STK3: variants seen among roughly 807,000 people sequenced by gnomAD.
STK3 encodes the protein serine/threonine kinase 3, also known as serine/threonine-protein kinase 3.
In STK3, 41 loss-of-function variants were observed where a neutral mutation model predicts 58.0. The observed-to-expected ratio is 0.71, with a 90% CI of 0.55 to 0.92. STK3 has a LOEUF of 0.92. Ranked by LOEUF, STK3 falls within the 40% of genes least tolerant of loss-of-function variation. STK3 has a pLI of 0.00. For missense variants in STK3, 479 were observed against 602.7 expected (o/e 0.79, Z 2.15); for synonymous variants, 170 against 191.0 (o/e 0.89, Z 0.91).
downstream of STK3, among the ~76,000 whole-genome samples, chr8:98,397,365 C>CA (rs1817905445): frequency 6.6e-6 from 1 of 151,924 alleles, no homozygotes; most frequent in South Asian, 2.1e-4. Context: ...CCTGTCTCTA[C>CA]AAAAATTACA....
Position 98,707,160 on chromosome 8 carries a change from G to C in STK3, c.503C>G (p.Ala168Gly). Residue 168 changes from alanine to glycine, a missense_variant, in exon 5 of 11, where the codon GCT (alanine) becomes GGT (glycine). Coordinates refer to ENST00000419617, the MANE Select transcript of STK3 (RefSeq NM_006281.4). ...AAGTTAACTTACTGTTAACTGACCA[G>C]CCACTCCAAAATCTGCCAATTTTGC... is the stretch of plus-strand genomic sequence containing the variant. The part of the protein sequence containing the change: ...GHAKLADFGV[A>G]GQLTDTMAKR... 1 of 1,607,534 alleles carries C rather than the reference G, an allele frequency of 6.2e-7. No homozygotes were observed. The highest frequency in any genetic ancestry group is 8.5e-7 in the Non-Finnish European group (1 of 1,178,506).
chr8:98,551,077 T>C lies in STK3; in HGVS notation c.949-2916A>G, dbSNP rs75047484. ...TGAATCTCTTTGCCATAACTCCATATGATGCTATGTTCATTAAAGACTTCC... is the reference window on the plus strand; with the variant it reads ...TGAATCTCTTTGCCATAACTCCATACGATGCTATGTTCATTAAAGACTTCC... On this transcript the variant is annotated intron_variant, in intron 8 of 10. Transcript: ENST00000419617. Among the ~76,000 whole-genome samples the C allele has an allele frequency of 1.2e-3, 180 of 152,284 alleles. 8 individuals carry two copies. The East Asian group carries it at 0.027, about 23-fold the overall frequency.
At chr8:98,503,066 T>C (rs1823750364) in intron 10 of STK3, among the ~76,000 whole-genome samples, 1 of 152,210 alleles carries the variant, frequency 6.6e-6, no homozygotes, top group South Asian at 2.1e-4. Flanking sequence ...TATTAATTAT[T>C]GCCTCAATTT....
At chr8:98,534,534 C>T (rs1345609825) in intron 9 of STK3, among the ~76,000 whole-genome samples, 3 of 152,046 alleles carry the variant, frequency 2.0e-5, no homozygotes, top group African/African-American at 7.2e-5. Context: ...AATAAATATG[C>T]TAAAAATAAA....
intron 9 of STK3, among the ~76,000 whole-genome samples, chr8:98,544,109 G>A (rs1037992515): frequency 1.3e-5 from 2 of 152,038 alleles, no homozygotes; most frequent in African/African-American, 4.8e-5. Flanking sequence ...CAGAAGCAAC[G>A]AAATAATGAA....
rs554367179 is a variant in STK3 at position 98,373,573 on chromosome 8, G to A, written n.112-1895C>T. On this transcript the variant is annotated intron_variant and non_coding_transcript_variant, in intron 2 of 2. Coordinates refer to the STK3 transcript ENST00000518704. The stretch of plus-strand genomic sequence containing the variant: ...TAGATTAAAAACTGAGGCCTAGAGA[G>A]ATAATTAACTTGCCCCAAGTCACAC... 3.9e-5 allele frequency among the ~76,000 whole-genome samples: 6 copies of A among 152,324 alleles called. 1 individual carries two copies. The highest frequency in any genetic ancestry group is 1.4e-4 in the African/African-American group (6 of 41,566).
chr8:98,646,510 GACTTACTT>G (rs1310127780), intron 6 of STK3, among the ~76,000 whole-genome samples: 1 of 152,142 alleles, frequency 6.6e-6, no homozygotes. Context: ...CTTCAGATGT[GACTTACTT>G]AGTACAGAAA....
At chr8:98,405,984 A>G (rs1352623493) in intron 3 of STK3, among the ~76,000 whole-genome samples, 1 of 152,104 alleles carries the variant, frequency 6.6e-6, no homozygotes, top group Non-Finnish European at 1.5e-5. Flanking sequence ...ATGCAGACAA[A>G]CCATATCATA....
intron 1 of STK3, among the ~76,000 whole-genome samples, chr8:98,799,631 C>T (rs1426427224): frequency 6.6e-6 from 1 of 152,148 alleles, no homozygotes; most frequent in Non-Finnish European, 1.5e-5. Flanking sequence ...CAAGTTCCAA[C>T]ATTAACATTG....
At chr8:98,420,390 GTTCTA>G (rs1262533804) in intron 3 of STK3, among the ~76,000 whole-genome samples, 2 of 152,098 alleles carry the variant, frequency 1.3e-5, no homozygotes, top group African/African-American at 4.8e-5. Context: ...TGTTATAATT[GTTCTA>G]TTCTATTATT....
intron 1 of STK3, among the ~76,000 whole-genome samples, chr8:98,444,559 G>C (rs552648764): frequency 6.6e-6 from 1 of 152,292 alleles, no homozygotes; most frequent in South Asian, 2.1e-4. Flanking sequence ...GAACATCTTG[G>C]AAGACTGAAC....
chr8:98,868,437 G>A (rs899674174), intron 3 of STK3, among the ~76,000 whole-genome samples: 5 of 152,182 alleles, frequency 3.3e-5, no homozygotes, highest in Admixed American at 6.5e-5. Context: ...TGGCCCATTT[G>A]TTACTGTGTA....
At chr8:98,766,860 C>T (rs1310630489) in intron 3 of STK3, among the ~76,000 whole-genome samples, 6 of 152,190 alleles carry the variant, frequency 3.9e-5, no homozygotes, top group Non-Finnish European at 5.9e-5. Flanking sequence ...TGGTAGCTCA[C>T]GCCTGTAATC....
intron 4 of STK3, among the ~76,000 whole-genome samples, chr8:98,724,280 G>A (rs1057049791): frequency 2.6e-5 from 4 of 152,050 alleles, no homozygotes; most frequent in African/African-American, 4.8e-5. Flanking sequence ...TGCCAGCCTC[G>A]ACCATCTACC....
downstream of STK3, among the ~76,000 whole-genome samples, chr8:98,398,640 A>G (rs1006800916): frequency 2.0e-5 from 3 of 152,172 alleles, no homozygotes; most frequent in African/African-American, 7.2e-5. Context: ...TTGAGGACAC[A>G]GACCTCACAT....
chr8:98,350,177 C>A, the STK3 span, among the ~76,000 whole-genome samples: 1 of 152,256 alleles, frequency 6.6e-6, no homozygotes, highest in Non-Finnish European at 1.5e-5. Context: ...CTGCCAGATA[C>A]CCTAAATCAT....
intron 3 of STK3, among the ~76,000 whole-genome samples, chr8:98,757,341 C>T (rs777121391): frequency 1.3e-5 from 2 of 151,092 alleles, no homozygotes; most frequent in African/African-American, 2.4e-5. Flanking sequence ...CCACCATGCC[C>T]GGCTAATTTT....
At chr8:98,641,610 A>G (rs1820023312) in intron 6 of STK3, among the ~76,000 whole-genome samples, 1 of 152,196 alleles carries the variant, frequency 6.6e-6, no homozygotes, top group South Asian at 2.1e-4. Context: ...GCTCCACACT[A>G]AAAATACAAA....
chr8:98,461,387 T>C (rs1234058789), intron 10 of STK3, among the ~76,000 whole-genome samples: 2 of 152,218 alleles, frequency 1.3e-5, no homozygotes, highest in African/African-American at 4.8e-5. Context: ...ATGTGTTGGG[T>C]AAGTCTCTTG....
Sources: allele counts gnomAD v4.1 joint callset (sites outside exome capture counted in the v4.1 genomes callset), GRCh38; gene constraint gnomAD v4.1.1; transcripts MANE v1.5; gene names NCBI Gene and HGNC (gene_info 2026-07-23, HGNC 2026-07-21).